Variants in TRPM3 observed in about 807,000 individuals in gnomAD.
The protein encoded by TRPM3 is long transient receptor potential channel 3.
Under a neutral mutation model 181.2 loss-of-function variants are expected in TRPM3, and 77 were observed. The ratio of observed to expected loss-of-function variants is 0.42; its 90% confidence interval spans 0.35 to 0.51. The LOEUF (loss-of-function observed/expected upper bound fraction) is 0.51. Among genes scored for constraint, TRPM3 ranks in the 20% least tolerant of loss-of-function variants. The pLI, the probability that TRPM3 is intolerant of heterozygous loss-of-function variation, is 0.01. For missense variants in TRPM3, 1,759 were observed against 2,196.7 expected (o/e 0.80, Z 3.98); for synonymous variants, 745 against 796.4 (o/e 0.94, Z 1.09).
chr9:71,410,629 CA>C (rs1239091317), intron 1 of TRPM3, among the ~76,000 whole-genome samples: 1 of 151,836 alleles, frequency 6.6e-6, no homozygotes, highest in South Asian at 2.1e-4. Flanking sequence ...GCCTACCAAC[CA>C]AAAAAAATCC....
intron 1 of TRPM3, among the ~76,000 whole-genome samples, chr9:70,877,204 T>C (rs13291907): frequency 0.031 from 4,644 of 152,084 alleles, 96 homozygotes; most frequent in Middle Eastern, 0.054. Context: ...GGTTCGTTAC[T>C]GGATCTCACC....
chr9:71,254,635 AAAAAG>A (rs1254420825), intron 1 of TRPM3, among the ~76,000 whole-genome samples: 3 of 152,222 alleles, frequency 2.0e-5, no homozygotes, highest in African/African-American at 7.2e-5. Context: ...TGATTTTTTA[AAAAAG>A]AAATCACTTC....
intron 1 of TRPM3, among the ~76,000 whole-genome samples, chr9:70,944,282 A>G (rs553552696): frequency 6.6e-6 from 1 of 152,302 alleles, no homozygotes; most frequent in South Asian, 2.1e-4. Context: ...CCCGCTTCCA[A>G]TAAACACAAA....
At chr9:71,150,917 C>A (rs1157142946) in intron 1 of TRPM3, among the ~76,000 whole-genome samples, 1 of 152,072 alleles carries the variant, frequency 6.6e-6, no homozygotes, top group Non-Finnish European at 1.5e-5. Context: ...ACAGTCTAGA[C>A]AAAAATCCAG....
intron 7 of TRPM3, among the ~76,000 whole-genome samples, chr9:70,765,997 T>C (rs1043759951): frequency 2.0e-5 from 3 of 152,222 alleles, no homozygotes; most frequent in Non-Finnish European, 4.4e-5. Flanking sequence ...ATCTTATTTA[T>C]GGAAACTGTT....
At chr9:71,233,801 C>T (rs1051995608) in intron 1 of TRPM3, among the ~76,000 whole-genome samples, 1 of 152,196 alleles carries the variant, frequency 6.6e-6, no homozygotes, top group African/African-American at 2.4e-5. Context: ...AAATGTCATT[C>T]CAGGCTTGAG....
intron 25 of TRPM3, among the ~76,000 whole-genome samples, chr9:70,545,384 G>A (rs2044566757): frequency 6.6e-6 from 1 of 152,134 alleles, no homozygotes; most frequent in Non-Finnish European, 1.5e-5. Flanking sequence ...AGTGCATACT[G>A]AGAAAGTGAG....
chr9:70,675,852 G>A (rs2063889530), intron 9 of TRPM3, among the ~76,000 whole-genome samples: 1 of 152,122 alleles, frequency 6.6e-6, no homozygotes. Context: ...AAGAATTGTG[G>A]AGGTTTTTGA....
At chr9:71,317,119 CTT>C (rs1243426974) in intron 1 of TRPM3, among the ~76,000 whole-genome samples, 1 of 152,124 alleles carries the variant, frequency 6.6e-6, no homozygotes, top group Non-Finnish European at 1.5e-5. Flanking sequence ...GAATGTACTT[CTT>C]ACCTGTCTTG....
chr9:71,003,405 GT>G (rs57009325), intron 1 of TRPM3, among the ~76,000 whole-genome samples: 83,222 of 144,888 alleles, frequency 0.57, 24,697 homozygotes, highest in Non-Finnish European at 0.66. Flanking sequence ...TGTGCATATG[GT>G]TTTTTTTTTT....
intron 1 of TRPM3, among the ~76,000 whole-genome samples, chr9:70,920,910 T>C (rs1272400856): frequency 6.6e-6 from 1 of 152,176 alleles, no homozygotes; most frequent in Non-Finnish European, 1.5e-5. Flanking sequence ...GGTTGCATAC[T>C]CTCAATTAAA....
intron 1 of TRPM3, among the ~76,000 whole-genome samples, chr9:71,286,414 G>A (rs556228564): frequency 6.6e-6 from 1 of 152,260 alleles, no homozygotes; most frequent in East Asian, 1.9e-4. Context: ...CTTCCATAGA[G>A]AGGGAAAATC....
chr9:70,889,376 A>T (rs999152287), intron 1 of TRPM3, among the ~76,000 whole-genome samples: 4 of 152,150 alleles, frequency 2.6e-5, no homozygotes, highest in Admixed American at 2.0e-4. Context: ...TGAAAGCAAA[A>T]ATATGAGTGA....
At chr9:70,607,765 T>G (rs1211154890) in intron 19 of TRPM3, among the ~76,000 whole-genome samples, 1 of 152,190 alleles carries the variant, frequency 6.6e-6, no homozygotes, top group Non-Finnish European at 1.5e-5. Context: ...ATATTGATAC[T>G]ATTATTTCTA....
intron 18 of TRPM3, among the ~76,000 whole-genome samples, chr9:70,611,349 G>GTGAT (rs988730418): frequency 4.0e-5 from 6 of 151,478 alleles, no homozygotes; most frequent in East Asian, 1.9e-4. Flanking sequence ...CTGGTGAGAG[G>GTGAT]TGATTGATTG....
Position 70,536,935 on chromosome 9 carries a change from G to T in TRPM3, c.4178C>A (p.Ala1393Glu). The T allele has an allele frequency of 6.2e-7, 1 of 1,614,216 alleles. No homozygotes were observed. ...AATGGCCAAGGTGTTGGCAGGGGCT[G>T]CAGGAGCTTTGGGTTCTTTTGCTAC... ...HSVAKEPKAP[A>E]APANTLAIVP... Residue 1393 changes from alanine to glutamate, a missense_variant, in exon 26 of 26, where the codon GCA (alanine) becomes GAA (glutamate). Ala to Glu is a moderately radical substitution (Grantham distance 107, BLOSUM62 -1). Transcript: ENST00000677713.
chr9:70,672,218 C>T (rs934757859), intron 9 of TRPM3, among the ~76,000 whole-genome samples: 4 of 152,080 alleles, frequency 2.6e-5, no homozygotes, highest in African/African-American at 2.4e-5. Flanking sequence ...TCTCAATTCC[C>T]CTGCCACAGT....
intron 1 of TRPM3, among the ~76,000 whole-genome samples, chr9:71,417,905 C>T (rs1195248039): frequency 6.6e-6 from 1 of 151,816 alleles, no homozygotes; most frequent in Non-Finnish European, 1.5e-5. Context: ...TTCTGTCACT[C>T]GCAAAACACC....
intron 22 of TRPM3, among the ~76,000 whole-genome samples, chr9:70,565,447 C>T (rs1362737009): frequency 6.6e-6 from 1 of 152,094 alleles, no homozygotes; most frequent in Non-Finnish European, 1.5e-5. Flanking sequence ...GCACAAGCTA[C>T]CATGCCCAAC....
Sources: gnomAD v4.1 joint callset for allele counts (sites outside exome capture counted in the v4.1 genomes callset) on GRCh38, gnomAD v4.1.1 for gene constraint, MANE v1.5 for transcripts, NCBI Gene and HGNC (gene_info 2026-07-23, HGNC 2026-07-21) for gene names.